TJP1: variants seen among roughly 807,000 people sequenced by gnomAD.
TJP1 encodes the protein tight junction protein 1, also known as tight junction protein ZO-1.
A neutral mutation model predicts 194.2 loss-of-function variants in TJP1; 43 were observed. The observed-to-expected ratio is 0.22, with a 90% CI of 0.17 to 0.29. The LOEUF is 0.29. Ranked by LOEUF, TJP1 falls within the 10% of genes least tolerant of loss-of-function variation. TJP1 has a pLI of 1.00. For missense variants in TJP1, 1,971 were observed against 2,185.7 expected (o/e 0.90, Z 1.96); for synonymous variants, 801 against 779.0 (o/e 1.03, Z -0.47).
intron 1 of TJP1, among the ~76,000 whole-genome samples, chr15:29,805,043 T>C (rs1036627888): frequency 7.2e-5 from 11 of 152,204 alleles, no homozygotes; most frequent in Admixed American, 6.5e-4. Context: ...ATAATTCCAA[T>C]GAACAGGCTA....
chr15:29,777,062 A>C (rs539314337), intron 2 of TJP1, among the ~76,000 whole-genome samples: 1 of 152,276 alleles, frequency 6.6e-6, no homozygotes, highest in African/African-American at 2.4e-5. Flanking sequence ...CAATTCAAAT[A>C]ATCACACAAG....
chr15:29,959,587 C>A (rs745696995), intron 1 of TJP1, among the ~76,000 whole-genome samples: 2 of 152,138 alleles, frequency 1.3e-5, no homozygotes, highest in Non-Finnish European at 2.9e-5. Context: ...GCTTCTCTTG[C>A]AAGTCAGTAG....
intron 1 of TJP1, among the ~76,000 whole-genome samples, chr15:29,965,368 C>T (rs1324126189): frequency 6.6e-6 from 1 of 152,056 alleles, no homozygotes; most frequent in Non-Finnish European, 1.5e-5. Context: ...CACCACCATG[C>T]CTGGCTAATT....
chr15:29,808,384 T>C (rs2049253587), intron 1 of TJP1, among the ~76,000 whole-genome samples: 1 of 152,206 alleles, frequency 6.6e-6, no homozygotes, highest in South Asian at 2.1e-4. Flanking sequence ...CTTCGGGACG[T>C]AAAGTAAATG....
At chr15:29,738,917 G>A (rs2044214429) in intron 10 of TJP1, among the ~76,000 whole-genome samples, 2 of 144,780 alleles carry the variant, frequency 1.4e-5, no homozygotes, top group Admixed American at 1.4e-4. Context: ...GTGGCTCGTT[G>A]CCTATAGTCC....
intron 25 of TJP1, among the ~76,000 whole-genome samples, chr15:29,706,669 G>T (rs1349774573): frequency 2.6e-5 from 4 of 152,088 alleles, no homozygotes; most frequent in South Asian, 2.1e-4. Context: ...TTCCCTTCCT[G>T]TTGTTTTTTG....
At chr15:29,818,343 T>C (rs960258888) in intron 1 of TJP1, among the ~76,000 whole-genome samples, 6 of 152,210 alleles carry the variant, frequency 3.9e-5, no homozygotes, top group Admixed American at 1.3e-4. Context: ...TTAACAATGA[T>C]TCATACCACT....
intron 2 of TJP1, among the ~76,000 whole-genome samples, chr15:29,850,734 C>A (rs946005982): frequency 6.6e-6 from 1 of 152,054 alleles, no homozygotes; most frequent in Non-Finnish European, 1.5e-5. Context: ...GCAATCCCAG[C>A]ACTTTGGGAG....
intron 2 of TJP1, among the ~76,000 whole-genome samples, chr15:29,908,715 C>T (rs891619483): frequency 1.3e-5 from 2 of 152,036 alleles, no homozygotes; most frequent in Admixed American, 6.6e-5. Flanking sequence ...AAAATAATCT[C>T]CTGGCTTTTA....
chr15:29,718,596 C>T lies in TJP1; in HGVS notation c.3546G>A (p.Gly1182=), dbSNP rs1057091245. 1.2e-6 allele frequency: 2 copies of T among 1,614,000 alleles called. No individual in the cohort carries two copies. Among genetic ancestry groups the T allele is most frequent in the African/African-American group, 1.3e-5 (1 of 74,896 alleles). ...RPEAQPHPSA[G]PKPAESKQYF... is the part of the protein sequence containing the mutation. ...ACTGCTTGGACTCTGCAGGCTTGGGCCCTGCTGAAGGGTGGGGCTGGGCTT... is the reference window on the plus strand; with the variant it reads ...ACTGCTTGGACTCTGCAGGCTTGGGTCCTGCTGAAGGGTGGGGCTGGGCTT... The change falls in exon 21 of 28, where the codon GGG becomes GGA. Residue 1182 remains glycine (G), a synonymous_variant. Coordinates refer to ENST00000614355, the MANE Select transcript of TJP1 (RefSeq NM_001330239.4).
At chr15:29,790,956 T>C (rs1019590299) in intron 2 of TJP1, among the ~76,000 whole-genome samples, 9 of 152,186 alleles carry the variant, frequency 5.9e-5, no homozygotes, top group African/African-American at 1.7e-4. Context: ...TGTACACTTA[T>C]GTTGATACTA....
chr15:29,732,891 T>C (rs2043760638), intron 13 of TJP1, 76 bp from the exon 14 acceptor site: 1 of 1,375,196 alleles, frequency 7.3e-7, no homozygotes, highest in Non-Finnish European at 9.8e-7. Flanking sequence ...TGAAATGAAA[T>C]ATACAATACT....
At position 29,716,665 on chromosome 15, in the gene TJP1, G is replaced by A; in HGVS notation, c.4148C>T (p.Pro1383Leu). The change falls in exon 23 of 28, where the codon CCT (proline) becomes CTT (leucine). Residue 1383 changes from proline to leucine, a missense_variant. Coordinates refer to ENST00000614355, the MANE Select transcript of TJP1 (RefSeq NM_001330239.4). ...AHIAASHLSE[P>L]AKPAHSQNQS... ...ATTCTGAGAATGCGCTGGCTTTGCA[G>A]GCTCGGAGAGATGGCTGGCGGCAAT... The A allele has an allele frequency of 6.2e-7, 1 of 1,614,068 alleles. No individual in the cohort carries two copies. The highest frequency in any genetic ancestry group is 8.5e-7 in the Non-Finnish European group (1 of 1,179,930).
Position 29,718,743 on chromosome 15 carries a change from T to C in TJP1, c.3399A>G (p.Glu1133=). ...TGTCGTAAGACAGAGGGGCTGGCTC[T>C]TCAAAACGTGGAAAGTACCCTCGTT... ...SSERGYFPRF[E]EPAPLSYDSR... The change falls in exon 21 of 28, where the codon GAA becomes GAG. Residue 1133 remains glutamate, a synonymous_variant. Transcript: ENST00000614355. The C allele has an allele frequency of 6.2e-7, 1 of 1,614,156 alleles. No individual in the cohort carries two copies. Among genetic ancestry groups the C allele is most frequent in the South Asian group, 1.1e-5 (1 of 91,082 alleles).
chr15:29,752,099 C>G (rs975893346), intron 8 of TJP1, among the ~76,000 whole-genome samples: 2 of 149,440 alleles, frequency 1.3e-5, no homozygotes, highest in Non-Finnish European at 3.0e-5. Flanking sequence ...CGGCTAAATA[C>G]ACTTTTTTTT....
At position 29,718,462 on chromosome 15, in the gene TJP1, A is replaced by C. The variant is rs2042708261; in HGVS notation, c.3680T>G (p.Ile1227Arg). 1 of 1,614,164 alleles carries C rather than the reference A, an allele frequency of 6.2e-7. No individual in the cohort carries two copies. Among genetic ancestry groups the C allele is most frequent in the East Asian group, 2.2e-5 (1 of 44,880 alleles). Residue 1227 changes from isoleucine (I) to arginine (R), a missense_variant, in exon 21 of 28, where the codon ATA becomes AGA. This residue lies in a region of TJP1 where 1,108 missense variants were observed against 1,128.5 expected (regional missense o/e 0.98). Coordinates refer to ENST00000614355, the MANE Select transcript of TJP1 (RefSeq NM_001330239.4). ...TTCTGGCTTATGCTGAGATGAAGGT[A>C]TCAGCGGAGGGACAGCTGCAGCACC... ...LHGAAAVPPL[I>R]PSSQHKPEAL...
At chr15:29,950,180 AC>A (rs2055676952) in intron 2 of TJP1, among the ~76,000 whole-genome samples, 1 of 108,702 alleles carries the variant, frequency 9.2e-6, no homozygotes, top group African/African-American at 3.2e-5. Flanking sequence ...CACTACCTCC[AC>A]CTCCACCACC....
At chr15:29,767,134 G>A (rs949160211) in intron 4 of TJP1, among the ~76,000 whole-genome samples, 1 of 152,134 alleles carries the variant, frequency 6.6e-6, no homozygotes, top group South Asian at 2.1e-4. Context: ...CCCAGTCTAG[G>A]TGCAAATTCT....
chr15:29,879,312 C>T (rs924801232), intron 2 of TJP1, among the ~76,000 whole-genome samples: 4 of 152,066 alleles, frequency 2.6e-5, no homozygotes, highest in African/African-American at 4.8e-5. Context: ...TGGGAACAGA[C>T]GGACGGCAAG....
Sources: gnomAD v4.1 joint callset for allele counts (sites outside exome capture counted in the v4.1 genomes callset) on GRCh38, gnomAD v4.1.1 for gene constraint, gnomAD v4.1.1 regional missense constraint, MANE v1.5 for transcripts, NCBI Gene and HGNC (gene_info 2026-07-23, HGNC 2026-07-21) for gene names.